COL6A6: variants seen among roughly 807,000 people sequenced by gnomAD.
The protein encoded by COL6A6 is collagen alpha-6(VI) chain.
A neutral mutation model predicts 208.6 loss-of-function variants in COL6A6; 183 were observed. The ratio of observed to expected loss-of-function variants is 0.88; its 90% CI spans 0.78 to 0.99. The LOEUF is 0.99. Ranked by LOEUF, COL6A6 falls within the 50% of genes least tolerant of loss-of-function variation. COL6A6 has a pLI of 0.00. For missense variants in COL6A6, 2,816 were observed against 2,815.2 expected (o/e 1.00, Z -0.01); for synonymous variants, 973 against 1,011.8 (o/e 0.96, Z 0.73).
At chr3:130,653,306 G>A (rs915350430) in intron 33 of COL6A6, among the ~76,000 whole-genome samples, 1 of 152,170 alleles carries the variant, frequency 6.6e-6, no homozygotes, top group Non-Finnish European at 1.5e-5. Context: ...AAAATTAAGT[G>A]TAGTCTTTGA....
At chr3:130,530,770 G>A (rs561184088) in intron 1 of COL6A6, among the ~76,000 whole-genome samples, 2 of 152,252 alleles carry the variant, frequency 1.3e-5, no homozygotes, top group East Asian at 3.9e-4. Context: ...GAGATTTCAA[G>A]TGCAGTAGAT....
At chr3:130,550,073 G>A (rs751599826) in intron 1 of COL6A6, among the ~76,000 whole-genome samples, 53 of 152,058 alleles carry the variant, frequency 3.5e-4, no homozygotes, top group Admixed American at 5.9e-4. Flanking sequence ...TGGCTAATGC[G>A]AGTGGGATCA....
At chr3:130,621,791 T>C in intron 23 of COL6A6, 30 bp from the exon 24 acceptor site, 1 of 1,601,768 alleles carries the variant, frequency 6.2e-7, no homozygotes, top group Non-Finnish European at 8.5e-7. Context: ...TATGTTTTGC[T>C]ATATTTGCAA....
intron 33 of COL6A6, among the ~76,000 whole-genome samples, chr3:130,650,877 G>A (rs1444835361): frequency 6.6e-6 from 1 of 152,142 alleles, no homozygotes; most frequent in East Asian, 1.9e-4. Context: ...TTTATCTGCA[G>A]GTCTTTTGTA....
chr3:130,588,879 A>G lies in COL6A6; in HGVS notation c.4126-211A>G, dbSNP rs144575815. On this transcript the variant is annotated intron_variant, in intron 11 of 36. Coordinates refer to ENST00000358511, the MANE Select transcript of COL6A6 (RefSeq NM_001102608.3). ...TTTGAGTTGATTTGGAATACCTGAA[A>G]TGGTGGAGAGTGCAGATGATAGAAG... 1.4e-3 allele frequency among the ~76,000 whole-genome samples: 204 copies of G among 146,966 alleles called. 1 individual carries two copies. Among genetic ancestry groups the G allele is most frequent in the African/African-American group, 4.6e-3 (182 of 39,144 alleles).
chr3:130,568,621 T>A lies in COL6A6; in HGVS notation c.2401+17T>A. The A allele has an allele frequency of 6.4e-7, 1 of 1,574,010 alleles. No homozygotes were observed. Among genetic ancestry groups the A allele is most frequent in the Non-Finnish European group, 8.6e-7 (1 of 1,165,278 alleles). On this transcript the variant is annotated intron_variant, in intron 6 of 36. Transcript: ENST00000358511. ...CCCGTGAAGGTAGGCATGGGCATAC[T>A]CACTAGCAGGACTATCCGAACAACA...
intron 1 of COL6A6, among the ~76,000 whole-genome samples, chr3:130,559,103 G>T (rs2062825824): frequency 6.6e-6 from 1 of 152,176 alleles, no homozygotes; most frequent in African/African-American, 2.4e-5. Flanking sequence ...TTGGCACAGG[G>T]CAGGGCTCAT....
Position 130,647,928 on chromosome 3 carries a change from T to C in COL6A6, c.5240-1141T>C, listed in dbSNP as rs534249841. On this transcript the variant is annotated intron_variant, in intron 32 of 36. Transcript: ENST00000358511. ...TATTTCTATACCTGTTGCAAAGAAC[T>C]GCTCTTTGTTGAGCTCTTTTTCATT... Among the ~76,000 whole-genome samples the C allele has an allele frequency of 9.2e-5, 14 of 152,360 alleles. No individual in the cohort carries two copies. The East Asian group carries it at 2.7e-3, about 29-fold the overall frequency.
At chr3:130,657,574 AAACAACAAC>A (rs60476470) in intron 33 of COL6A6, among the ~76,000 whole-genome samples, 4 of 152,004 alleles carry the variant, frequency 2.6e-5, no homozygotes, top group Admixed American at 1.3e-4. Context: ...TATTTGTTTA[AAACAACAAC>A]AACAACAACA....
chr3:130,639,473 G>T (rs2065249157), intron 28 of COL6A6, among the ~76,000 whole-genome samples: 1 of 152,070 alleles, frequency 6.6e-6, no homozygotes, highest in Non-Finnish European at 1.5e-5. Flanking sequence ...CAGGCAGATT[G>T]CTTCAGCCCA....
chr3:130,573,421 A>C (rs1451242508), intron 7 of COL6A6, among the ~76,000 whole-genome samples: 2 of 152,234 alleles, frequency 1.3e-5, no homozygotes, highest in Non-Finnish European at 2.9e-5. Flanking sequence ...CAAGAGAAGC[A>C]TAAAAAGATG....
chr3:130,606,884 A>G, intron 20 of COL6A6, 47 bp from the exon 21 acceptor site: 1 of 1,511,462 alleles, frequency 6.6e-7, no homozygotes, highest in Non-Finnish European at 9.1e-7. Context: ...CATATATAAA[A>G]AGCATTTTTT....
chr3:130,669,442 A>G (rs2066156897), intron 36 of COL6A6, among the ~76,000 whole-genome samples: 1 of 151,634 alleles, frequency 6.6e-6, no homozygotes, highest in South Asian at 2.1e-4. Flanking sequence ...AAAAACCTAT[A>G]CATTTTAAAG....
At position 130,565,458 on chromosome 3, in the gene COL6A6, G is replaced by C; in HGVS notation, c.1126G>C (p.Glu376Gln). The change falls in exon 4 of 37, where the codon GAA becomes CAA. Residue 376 changes from glutamate (E) to glutamine (Q), a missense_variant. Transcript: ENST00000358511. Reference protein sequence around the residue: ...GIEGASDTQLEKIASHPAEQY... With the variant: ...GIEGASDTQLQKIASHPAEQY... The stretch of plus-strand genomic sequence containing the variant: ...AGAGGGCGCCAGCGACACCCAGTTG[G>C]AAAAGATAGCATCCCACCCTGCTGA... 1 of 1,613,924 alleles carries C rather than the reference G, an allele frequency of 6.2e-7. No individual in the cohort carries two copies. The highest frequency in any genetic ancestry group is 8.5e-7 in the Non-Finnish European group (1 of 1,179,860).
chr3:130,566,891 A>C lies in COL6A6; in HGVS notation c.1472A>C (p.Asn491Thr). Residue 491 changes from asparagine to threonine, a missense_variant, in exon 5 of 37, where the codon AAT (asparagine) becomes ACT (threonine). Transcript: ENST00000358511. ...AGCTGGGACTTGGAATTTGAGATCA[A>C]TAAATACTCCAACAAGCAGGATTTG... ...ADSWDLEFEI[N>T]KYSNKQDLGK... 1 of 1,614,012 alleles carries C rather than the reference A, an allele frequency of 6.2e-7. No individual in the cohort carries two copies.
At chr3:130,623,157 A>G (rs1178694636) in intron 24 of COL6A6, among the ~76,000 whole-genome samples, 1 of 152,122 alleles carries the variant, frequency 6.6e-6, no homozygotes, top group Admixed American at 6.5e-5. Context: ...AACTCAGTGT[A>G]GAAATATTAT....
intron 1 of COL6A6, among the ~76,000 whole-genome samples, chr3:130,556,708 G>T (rs2107829191): frequency 6.6e-6 from 1 of 151,574 alleles, no homozygotes; most frequent in Non-Finnish European, 1.5e-5. Flanking sequence ...TTTCTGTGTT[G>T]GGCACATAAT....
At chr3:130,584,753 T>C (rs1053710670) in intron 10 of COL6A6, among the ~76,000 whole-genome samples, 3 of 152,116 alleles carry the variant, frequency 2.0e-5, no homozygotes, top group African/African-American at 7.2e-5. Context: ...TAGCTGGGAC[T>C]ACAGGCGCCT....
chr3:130,525,854 T>G (rs1003655010), intron 1 of COL6A6, among the ~76,000 whole-genome samples: 1 of 152,212 alleles, frequency 6.6e-6, no homozygotes, highest in Non-Finnish European at 1.5e-5. Context: ...GCTAGTTAAC[T>G]CTCACCATTC....
Sources: allele counts gnomAD v4.1 joint callset (sites outside exome capture counted in the v4.1 genomes callset), GRCh38; gene constraint gnomAD v4.1.1; transcripts MANE v1.5; gene names NCBI Gene and HGNC (gene_info 2026-07-23, HGNC 2026-07-21).